WDR72: variants seen among roughly 807,000 people sequenced by gnomAD.
The protein encoded by WDR72 is WD repeat domain 72.
A neutral mutation model predicts 124.2 loss-of-function variants in WDR72; 120 were observed. The ratio of observed to expected loss-of-function variants is 0.97; its 90% CI spans 0.83 to 1.12. The LOEUF (loss-of-function observed/expected upper bound fraction) is 1.12. WDR72 is among the 50% of genes most tolerant of loss of function. WDR72 has a pLI of 0.00. For missense variants in WDR72, 1,387 were observed against 1,278.8 expected (o/e 1.08, Z -1.29); for synonymous variants, 452 against 441.7 (o/e 1.02, Z -0.29).
At position 53,570,525 on chromosome 15, in the gene WDR72, C is replaced by T. The variant is rs180953175; in HGVS notation, c.3148+26554G>A. ...AACCATCAGAGATGCAAATCAAAGC[C>T]ACAGTGAGATACTGTCTCATACCAG... is the stretch of plus-strand genomic sequence containing the variant. On this transcript the variant is annotated intron_variant, in intron 18 of 19. Coordinates refer to ENST00000360509, the MANE Select transcript of WDR72 (RefSeq NM_182758.4). Among the ~76,000 whole-genome samples, 583 of 152,064 alleles carry T rather than the reference C, an allele frequency of 3.8e-3. 3 individuals carry two copies. The highest frequency in any genetic ancestry group is 6.5e-3 in the Non-Finnish European group (445 of 67,976).
chr15:53,759,514 C>G (rs1439789821), intron 1 of WDR72, 119 bp downstream of exon 1: 1 of 152,400 alleles, frequency 6.6e-6, no homozygotes, highest in South Asian at 2.1e-4. Flanking sequence ...GCGGGCCGTC[C>G]CCTCCTGCGC....
chr15:53,531,303 G>A (rs1892452271), intron 18 of WDR72, among the ~76,000 whole-genome samples: 1 of 135,370 alleles, frequency 7.4e-6, no homozygotes, highest in Non-Finnish European at 1.7e-5. Flanking sequence ...AACGCAATCA[G>A]TAGTGAGTAT....
intron 18 of WDR72, among the ~76,000 whole-genome samples, chr15:53,573,001 G>A (rs1409022644): frequency 2.6e-5 from 4 of 152,204 alleles, no homozygotes; most frequent in Admixed American, 2.6e-4. Flanking sequence ...CGTCCTTATA[G>A]TTGGGTTGGG....
chr15:53,723,874 CT>C (rs2017945802), intron 2 of WDR72, among the ~76,000 whole-genome samples: 2 of 152,140 alleles, frequency 1.3e-5, no homozygotes, highest in Non-Finnish European at 2.9e-5. Context: ...ATCCTCTTTT[CT>C]TTTTCCAAGT....
chr15:53,713,473 C>A (rs2017613013), intron 6 of WDR72, among the ~76,000 whole-genome samples: 1 of 23,212 alleles, frequency 4.3e-5, no homozygotes, highest in Non-Finnish European at 1.2e-4. Context: ...TTCCTTGAGA[C>A]ACAGTCTTGC....
intron 13 of WDR72, among the ~76,000 whole-genome samples, chr15:53,690,548 T>C (rs370362634): frequency 6.3e-4 from 96 of 152,328 alleles, no homozygotes; most frequent in African/African-American, 2.3e-3. Flanking sequence ...TGTGCATTTT[T>C]GTGTATGTCT....
intron 16 of WDR72, among the ~76,000 whole-genome samples, chr15:53,611,999 T>C (rs1250344269): frequency 6.6e-6 from 1 of 152,154 alleles, no homozygotes; most frequent in Admixed American, 6.6e-5. Context: ...ATGTGCATTG[T>C]ATCTGGGATC....
intron 13 of WDR72, among the ~76,000 whole-genome samples, chr15:53,681,789 C>T (rs1440074739): frequency 6.6e-6 from 1 of 151,392 alleles, no homozygotes; most frequent in Non-Finnish European, 1.5e-5. Flanking sequence ...TATTAAGATG[C>T]CAGGAGAACC....
At chr15:53,719,861 T>TCCTG (rs2017824205) in intron 3 of WDR72, among the ~76,000 whole-genome samples, 2 of 152,208 alleles carry the variant, frequency 1.3e-5, no homozygotes, top group Non-Finnish European at 2.9e-5. Context: ...GGCTTCCAAG[T>TCCTG]CCTGGTGCCC....
At chr15:53,583,954 A>AT (rs886504557) in intron 18 of WDR72, among the ~76,000 whole-genome samples, 6 of 139,918 alleles carry the variant, frequency 4.3e-5, no homozygotes, top group Admixed American at 1.5e-4. Flanking sequence ...ATTAAATCAA[A>AT]TTTTTTTAAA....
intron 1 of WDR72, among the ~76,000 whole-genome samples, chr15:53,750,051 T>C (rs1287710461): frequency 2.6e-5 from 4 of 152,212 alleles, no homozygotes; most frequent in African/African-American, 9.6e-5. Flanking sequence ...TAAACTCAGA[T>C]AATTAATGAA....
intron 18 of WDR72, among the ~76,000 whole-genome samples, chr15:53,567,877 C>CTG (rs1894358404): frequency 6.6e-6 from 1 of 151,182 alleles, no homozygotes; most frequent in African/African-American, 2.4e-5. Context: ...ATTTTATCAA[C>CTG]AGATAAAAAA....
chr15:53,722,712 G>A, intron 3 of WDR72, 90 bp downstream of exon 3: 14 of 1,134,942 alleles, frequency 1.2e-5, no homozygotes, highest in Admixed American at 1.7e-5. Flanking sequence ...GATCACAAAG[G>A]TTTCCTTCAG....
chr15:53,595,744 T>G (rs1284379602), intron 18 of WDR72, among the ~76,000 whole-genome samples: 1 of 152,136 alleles, frequency 6.6e-6, no homozygotes. Context: ...AAAAAGCAAT[T>G]TTTCTGCTTC....
intron 14 of WDR72, among the ~76,000 whole-genome samples, chr15:53,660,055 T>A (rs2015557844): frequency 6.6e-6 from 1 of 151,930 alleles, no homozygotes; most frequent in African/African-American, 2.4e-5. Flanking sequence ...TTATAAAAAA[T>A]TGATATAGAA....
chr15:53,638,147 C>T (rs1000559369), intron 14 of WDR72, among the ~76,000 whole-genome samples: 4 of 152,154 alleles, frequency 2.6e-5, no homozygotes, highest in African/African-American at 9.7e-5. Flanking sequence ...TTACTATCAA[C>T]ACTTCAACAA....
At chr15:53,752,489 G>A (rs2018798823) in intron 1 of WDR72, among the ~76,000 whole-genome samples, 1 of 152,256 alleles carries the variant, frequency 6.6e-6, no homozygotes, top group African/African-American at 2.4e-5. Context: ...GACTTCTGCA[G>A]GCCAAGGAAC....
rs151156535 is a variant in WDR72, at chr15:53,704,894, A to C, written c.1348+94T>G. 20 of 1,434,594 alleles carry C rather than the reference A, an allele frequency of 1.4e-5. No individual in the cohort carries two copies. The African/African-American group carries it at 2.9e-4, about 20-fold the overall frequency. 88.9% of individuals were successfully genotyped at this position (1,434,594 alleles called of 1,614,324 possible). ...ACATATTTATCAGCAAATGCCAGCAAATTATTTAGGCCTCTAAATCTTGTT... is the reference window on the plus strand; with the variant it reads ...ACATATTTATCAGCAAATGCCAGCACATTATTTAGGCCTCTAAATCTTGTT... On this transcript the variant is annotated intron_variant, in intron 11 of 19. Transcript: ENST00000360509.
chr15:53,644,983 T>G (rs558939496), intron 14 of WDR72, among the ~76,000 whole-genome samples: 2 of 152,254 alleles, frequency 1.3e-5, no homozygotes, highest in East Asian at 3.9e-4. Context: ...ACTGCAGGGG[T>G]AAAACAACTT....
Sources: allele counts gnomAD v4.1 joint callset (sites outside exome capture counted in the v4.1 genomes callset), GRCh38; gene constraint gnomAD v4.1.1; transcripts MANE v1.5; gene names NCBI Gene and HGNC (gene_info 2026-07-23, HGNC 2026-07-21).